Variants in HECW1 observed in about 807,000 individuals in gnomAD.
HECW1 encodes HECT, C2 and WW domain containing E3 ubiquitin protein ligase 1, also known as E3 ubiquitin-protein ligase HECW1.
A neutral mutation model predicts 182.3 loss-of-function variants in HECW1; 61 were observed. The observed-to-expected ratio is 0.33, with a 90% CI of 0.27 to 0.41. HECW1 has a LOEUF of 0.41. Ranked by LOEUF, HECW1 falls within the 10% of genes least tolerant of loss-of-function variation. The probability of loss-of-function intolerance (pLI) is 1.00; values close to 1 mark genes in which losing one functional copy is unlikely to be tolerated. For missense variants in HECW1, 1,739 were observed against 2,108.9 expected, an observed-to-expected ratio of 0.82 and a Z score of 3.44; for synonymous variants, 859 against 832.6, an observed-to-expected ratio of 1.03 and a Z score of -0.55.
At chr7:43,155,528 C>T (rs1789790348) in intron 2 of HECW1, among the ~76,000 whole-genome samples, 1 of 152,136 alleles carries the variant, frequency 6.6e-6, no homozygotes, top group African/African-American at 2.4e-5. Flanking sequence ...AAAGTCTTTA[C>T]AGAAATTTGT....
intron 5 of HECW1, among the ~76,000 whole-genome samples, chr7:43,360,283 C>T (rs1562883885): frequency 2.0e-5 from 3 of 150,712 alleles, no homozygotes; most frequent in African/African-American, 7.3e-5. Flanking sequence ...GTGATTATAA[C>T]TCTCTGCAGC....
At chr7:43,383,643 T>C (rs941555465) in intron 6 of HECW1, among the ~76,000 whole-genome samples, 3 of 152,226 alleles carry the variant, frequency 2.0e-5, no homozygotes, top group Non-Finnish European at 2.9e-5. Context: ...TTCTTATAAA[T>C]TTGTTCAAGT....
At chr7:43,464,730 C>T (rs1327182514) in intron 14 of HECW1, among the ~76,000 whole-genome samples, 1 of 152,126 alleles carries the variant, frequency 6.6e-6, no homozygotes, top group Non-Finnish European at 1.5e-5. Context: ...AGTTCCACCA[C>T]CAATTTTAAT....
At chr7:43,483,828 C>T (rs866159809) in intron 17 of HECW1, among the ~76,000 whole-genome samples, 1 of 151,980 alleles carries the variant, frequency 6.6e-6, no homozygotes, top group Non-Finnish European at 1.5e-5. Flanking sequence ...GGATTACAGA[C>T]GTGAGCCACC....
chr7:43,403,965 T>G (rs1221521068), intron 7 of HECW1, among the ~76,000 whole-genome samples: 6 of 152,306 alleles, frequency 3.9e-5, no homozygotes, highest in African/African-American at 4.8e-5. Flanking sequence ...GAGAAGAAAT[T>G]AACTATTCTC....
chr7:43,168,138 AC>A (rs1465465332), intron 2 of HECW1, among the ~76,000 whole-genome samples: 2 of 152,326 alleles, frequency 1.3e-5, no homozygotes, highest in East Asian at 1.9e-4. Flanking sequence ...GAGGGACTGG[AC>A]ATGTTTCACT....
At chr7:43,509,411 A>G in intron 24 of HECW1, 1 of 244,848 alleles carries the variant, frequency 4.1e-6, no homozygotes, top group Non-Finnish European at 7.7e-6. Flanking sequence ...GAATGTTGAT[A>G]ATTTTACTAA....
At chr7:43,213,439 ATTTTTTTT>A (rs35199868) in intron 2 of HECW1, among the ~76,000 whole-genome samples, 1 of 92,484 alleles carries the variant, frequency 1.1e-5, no homozygotes, top group African/African-American at 4.1e-5. Context: ...GATCATAAGA[ATTTTTTTT>A]TTTTTTTTTT....
At chr7:43,439,273 A>G (rs927036895) in intron 9 of HECW1, 12 of 152,194 alleles carry the variant, frequency 7.9e-5, no homozygotes, top group African/African-American at 2.9e-4. Context: ...CATTATCACC[A>G]TTCCTGCACG....
At chr7:43,271,443 C>T (rs1036794371) in intron 3 of HECW1, among the ~76,000 whole-genome samples, 4 of 152,154 alleles carry the variant, frequency 2.6e-5, no homozygotes. Context: ...TTATATGATT[C>T]TGTACTTAGA....
intron 8 of HECW1, among the ~76,000 whole-genome samples, chr7:43,412,814 T>C (rs1224515396): frequency 6.6e-6 from 1 of 151,222 alleles, no homozygotes; most frequent in Non-Finnish European, 1.5e-5. Flanking sequence ...TAGTATTCCA[T>C]GGTGTATAAG....
At chr7:43,448,370 A>C (rs1335853725) in intron 11 of HECW1, among the ~76,000 whole-genome samples, 1 of 152,246 alleles carries the variant, frequency 6.6e-6, no homozygotes, top group East Asian at 1.9e-4. Context: ...TTCTGCAGAT[A>C]AATGAAAAGA....
chr7:43,433,908 C>T (rs2076628144), intron 8 of HECW1, among the ~76,000 whole-genome samples: 1 of 152,180 alleles, frequency 6.6e-6, no homozygotes, highest in Non-Finnish European at 1.5e-5. Context: ...AATAGCCAGA[C>T]ATCAGACCCC....
At chr7:43,512,920 G>T (rs1250379006) in intron 24 of HECW1, among the ~76,000 whole-genome samples, 1 of 152,130 alleles carries the variant, frequency 6.6e-6, no homozygotes, top group Admixed American at 6.5e-5. Flanking sequence ...TTTTGTTGTT[G>T]TTATTCTGCT....
intron 8 of HECW1, 78 bp from the exon 9 acceptor site, chr7:43,437,925 C>A: frequency 7.0e-7 from 1 of 1,426,326 alleles, no homozygotes; most frequent in Non-Finnish European, 9.8e-7. Flanking sequence ...ACAGTGACAG[C>A]ATCAAGGCAG....
At position 43,562,680 on chromosome 7, in the gene HECW1, G is replaced by A. The variant is rs1021838674; in HGVS notation, c.*754G>A. On this transcript the variant is annotated 3_prime_UTR_variant, in exon 30 of 30. Transcript: ENST00000395891. ...AAGTTTAGGAGGGGGAGCATCCCTA[G>A]TGAATACTCACACCACAAGAAGGAC... The A allele has an allele frequency of 4.4e-6, 1 of 224,982 alleles. No individual in the cohort carries two copies. The highest frequency in any genetic ancestry group is 2.2e-5 in the African/African-American group (1 of 44,900). The allele number at this position is 224,982 out of a possible 1,614,324, so 13.9% of individuals were successfully genotyped here. A position where few individuals can be genotyped will look rare whatever the true frequency, so the allele number is the denominator to read the frequency against.
chr7:43,451,880 A>G (rs1232407063), intron 12 of HECW1, among the ~76,000 whole-genome samples: 1 of 152,200 alleles, frequency 6.6e-6, no homozygotes, highest in Admixed American at 6.5e-5. Context: ...GTTTCTTTAC[A>G]TTCTTTTGCC....
chr7:43,189,648 G>A (rs541041109), intron 2 of HECW1, among the ~76,000 whole-genome samples: 1 of 151,910 alleles, frequency 6.6e-6, no homozygotes, highest in Non-Finnish European at 1.5e-5. Flanking sequence ...AATACATGGG[G>A]TTAAAAGTAA....
intron 2 of HECW1, among the ~76,000 whole-genome samples, chr7:43,149,195 C>G (rs561029748): frequency 1.3e-5 from 2 of 152,058 alleles, no homozygotes; most frequent in Non-Finnish European, 2.9e-5. Context: ...GAGGTTAGAG[C>G]AGCGACCCCC....
Sources: gnomAD v4.1 joint callset for allele counts (sites outside exome capture counted in the v4.1 genomes callset) on GRCh38, gnomAD v4.1.1 for gene constraint, MANE v1.5 for transcripts, NCBI Gene and HGNC (gene_info 2026-07-23, HGNC 2026-07-21) for gene names.